The following SLC44A5 variants were observed in gnomAD, a reference collection of about 807,000 sequenced individuals.
The protein encoded by SLC44A5 is choline transporter-like protein 5.
Under a neutral mutation model 101.8 loss-of-function variants are expected in SLC44A5, and 57 were observed. The observed-to-expected ratio is 0.56, with a 90% confidence interval of 0.45 to 0.70. The LOEUF (loss-of-function observed/expected upper bound fraction) is 0.70, where lower values mean the gene tolerates loss of function less well. Ranked by LOEUF, SLC44A5 falls within the 30% of genes least tolerant of loss-of-function variation. SLC44A5 has a pLI of 0.00. For synonymous variants in SLC44A5, 281 were observed against 290.9 expected (o/e 0.97, Z 0.35); for missense variants, 737 against 853.1 (o/e 0.86, Z 1.70).
intron 3 of SLC44A5, among the ~76,000 whole-genome samples, chr1:75,374,719 C>T (rs950879084): frequency 6.6e-5 from 10 of 152,156 alleles, no homozygotes; most frequent in Admixed American, 5.2e-4. Flanking sequence ...GCGCTCAATG[C>T]CTGGAGACCC....
chr1:75,212,006 C>T (rs1646868091), intron 22 of SLC44A5, among the ~76,000 whole-genome samples: 1 of 151,974 alleles, frequency 6.6e-6, no homozygotes, highest in South Asian at 2.1e-4. Context: ...GATAACAGAA[C>T]AACCCTTCTC....
At chr1:75,469,565 G>T (rs1420323957) in intron 2 of SLC44A5, among the ~76,000 whole-genome samples, 7 of 152,022 alleles carry the variant, frequency 4.6e-5, no homozygotes, top group Non-Finnish European at 1.0e-4. Flanking sequence ...AAAATGGTAC[G>T]GCGTATAATG....
the SLC44A5 span, among the ~76,000 whole-genome samples, chr1:75,659,448 G>A: frequency 5.7e-4 from 10 of 17,420 alleles, no homozygotes; most frequent in African/African-American, 1.7e-3. Flanking sequence ...AGGGAGGGAA[G>A]GAAGGAAGGA....
intron 3 of SLC44A5, among the ~76,000 whole-genome samples, chr1:75,358,766 T>C (rs1274752400): frequency 2.0e-5 from 3 of 152,232 alleles, no homozygotes; most frequent in Non-Finnish European, 1.5e-5. Context: ...TATGATGTGA[T>C]GGTTCAATAC....
At chr1:75,205,889 A>C (rs1362564047) in intron 23 of SLC44A5, 1 of 152,208 alleles carries the variant, frequency 6.6e-6, no homozygotes, top group Non-Finnish European at 1.5e-5. Context: ...TTTGTTCAGA[A>C]TATTTTCACC....
At chr1:75,721,743 C>A in the SLC44A5 span, among the ~76,000 whole-genome samples, 1 of 152,172 alleles carries the variant, frequency 6.6e-6, no homozygotes, top group Non-Finnish European at 1.5e-5. Context: ...TTCTTCATGA[C>A]AACTGCTTGG....
chr1:75,717,513 G>A, the SLC44A5 span, among the ~76,000 whole-genome samples: 1 of 152,026 alleles, frequency 6.6e-6, no homozygotes, highest in Non-Finnish European at 1.5e-5. Context: ...TGGGTACTAC[G>A]CTTATTATCT....
chr1:75,695,767 AAAT>A, the SLC44A5 span, among the ~76,000 whole-genome samples: 9 of 148,268 alleles, frequency 6.1e-5, no homozygotes, highest in African/African-American at 2.2e-4. Context: ...ATTTATATAT[AAAT>A]AAAATAGTAT....
At chr1:75,203,907 A>T in intron 23 of SLC44A5, 74 bp from the exon 24 acceptor site, 1 of 1,446,482 alleles carries the variant, frequency 6.9e-7, no homozygotes. Flanking sequence ...TCTGCTGTAT[A>T]CTCGCTTTAC....
chr1:75,396,459 T>C, intron 3 of SLC44A5, 124 bp downstream of exon 3: 2 of 806,298 alleles, frequency 2.5e-6, no homozygotes, highest in Admixed American at 2.3e-5. Flanking sequence ...AAAGCTTCAG[T>C]CAGCAATTAT....
At chr1:75,503,645 C>A (rs746683754) in intron 2 of SLC44A5, among the ~76,000 whole-genome samples, 1 of 152,190 alleles carries the variant, frequency 6.6e-6, no homozygotes, top group Non-Finnish European at 1.5e-5. Flanking sequence ...TTATAAACCT[C>A]TCAAGTAATA....
the SLC44A5 span, among the ~76,000 whole-genome samples, chr1:75,623,283 G>A: frequency 6.6e-6 from 1 of 152,064 alleles, no homozygotes; most frequent in African/African-American, 2.4e-5. Context: ...GAGTGTCAAG[G>A]AAGATTCCTC....
intron 4 of SLC44A5, among the ~76,000 whole-genome samples, chr1:75,323,174 G>T (rs914274613): frequency 6.8e-6 from 1 of 146,424 alleles, no homozygotes; most frequent in African/African-American, 2.5e-5. Context: ...TCCCACCTAT[G>T]AGTGAGAATA....
intron 2 of SLC44A5, among the ~76,000 whole-genome samples, chr1:75,513,346 G>A (rs56285040): frequency 0.13 from 19,782 of 152,162 alleles, 1,404 homozygotes; most frequent in Non-Finnish European, 0.15. Context: ...CAGTCACTTG[G>A]CTTCTCAAAT....
chr1:75,323,911 A>C (rs1468482774), intron 4 of SLC44A5, among the ~76,000 whole-genome samples: 1 of 152,142 alleles, frequency 6.6e-6, no homozygotes, highest in Non-Finnish European at 1.5e-5. Context: ...CATTTCCATT[A>C]CCTACTTTTC....
intron 3 of SLC44A5, among the ~76,000 whole-genome samples, chr1:75,363,964 C>A (rs372546434): frequency 6.6e-6 from 1 of 152,094 alleles, no homozygotes; most frequent in East Asian, 1.9e-4. Context: ...GCAGTTATTT[C>A]CCCCCAGTAC....
chr1:75,372,321 T>G (rs924238544), intron 3 of SLC44A5, among the ~76,000 whole-genome samples: 5 of 152,106 alleles, frequency 3.3e-5, no homozygotes, highest in Non-Finnish European at 7.4e-5. Flanking sequence ...AAATTTACAC[T>G]TACTTTTCCC....
the SLC44A5 span, among the ~76,000 whole-genome samples, chr1:75,635,529 A>AACC: frequency 6.6e-6 from 1 of 150,722 alleles, no homozygotes; most frequent in Admixed American, 6.6e-5. Context: ...TGAAATTGGA[A>AACC]ATCATTCTCA....
intron 1 of SLC44A5, among the ~76,000 whole-genome samples, chr1:75,555,722 CTTTG>C (rs1672179848): frequency 6.6e-6 from 1 of 151,966 alleles, no homozygotes; most frequent in South Asian, 2.1e-4. Context: ...ATGAAAACAA[CTTTG>C]TTTACTACAC....
Sources: gnomAD v4.1 joint callset for allele counts (sites outside exome capture counted in the v4.1 genomes callset) on GRCh38, gnomAD v4.1.1 for gene constraint, MANE v1.5 for transcripts, NCBI Gene and HGNC (gene_info 2026-07-23, HGNC 2026-07-21) for gene names.